The following MBTPS1 variants were observed in gnomAD, a reference collection of about 807,000 sequenced individuals.
MBTPS1 encodes the protein membrane-bound transcription factor site-1 protease.
A neutral mutation model predicts 127.8 loss-of-function variants in MBTPS1; 94 were observed. The observed-to-expected ratio is 0.74, with a 90% confidence interval of 0.62 to 0.87. The LOEUF (loss-of-function observed/expected upper bound fraction) is 0.87. Among genes scored for constraint, MBTPS1 ranks in the 40% least tolerant of loss-of-function variants. The pLI, the probability that MBTPS1 is intolerant of heterozygous loss-of-function variation, is 0.00. For synonymous variants in MBTPS1, 632 were observed against 509.4 expected (o/e 1.24, Z -3.24); for missense variants, 1,636 against 1,353.2 (o/e 1.21, Z -3.28).
chr16:84,065,646 C>A (rs577572669), intron 18 of MBTPS1, 44 bp downstream of exon 18: 1 of 1,258,916 alleles, frequency 7.9e-7, no homozygotes, highest in Non-Finnish European at 1.2e-6. Flanking sequence ...GAAAAGGGAG[C>A]GAGAGAAAGA....
intron 9 of MBTPS1, among the ~76,000 whole-genome samples, chr16:84,085,605 GA>G (rs2086011035): frequency 9.2e-6 from 1 of 108,780 alleles, no homozygotes; most frequent in African/African-American, 3.7e-5. Flanking sequence ...AAAAAACAAA[GA>G]AATTCACTAC....
chr16:84,105,949 A>G (rs1354958702), intron 1 of MBTPS1, among the ~76,000 whole-genome samples: 6 of 152,194 alleles, frequency 3.9e-5, no homozygotes, highest in Non-Finnish European at 7.3e-5. Flanking sequence ...GACCGTAACT[A>G]AGACAAGTAA....
rs1419211785 is a variant in MBTPS1, at chr16:84,084,970, G to A, written c.1286+13C>T. 1.9e-6 allele frequency: 3 copies of A among 1,613,086 alleles called. No homozygotes were observed. The highest frequency in any genetic ancestry group is 2.5e-6 in the Non-Finnish European group (3 of 1,179,658). On this transcript the variant is annotated intron_variant, in intron 10 of 22. Transcript: ENST00000343411. The stretch of plus-strand genomic sequence containing the variant: ...GACGTGGGAGCTACTGGTCTCTAGG[G>A]GGCAGCACTCACCTCACTAACAAGG...
intron 10 of MBTPS1, among the ~76,000 whole-genome samples, chr16:84,084,207 C>T (rs1305967325): frequency 6.6e-6 from 1 of 152,196 alleles, no homozygotes; most frequent in Non-Finnish European, 1.5e-5. Flanking sequence ...GACCTGCTGC[C>T]TCAGCCTCCC....
intron 14 of MBTPS1, among the ~76,000 whole-genome samples, chr16:84,069,332 G>A (rs2085735385): frequency 6.6e-6 from 1 of 152,228 alleles, no homozygotes; most frequent in Admixed American, 6.5e-5. Context: ...AGCTTCTGAA[G>A]GGCTGCATGG....
intron 18 of MBTPS1, 107 bp from the exon 19 acceptor site, chr16:84,063,552 A>G: frequency 9.0e-7 from 1 of 1,114,870 alleles, no homozygotes; most frequent in South Asian, 1.6e-5. Context: ...TACAAAATCT[A>G]ATATTCAATT....
intron 14 of MBTPS1, among the ~76,000 whole-genome samples, chr16:84,068,881 A>G (rs2085729511): frequency 6.6e-6 from 1 of 152,332 alleles, no homozygotes. Flanking sequence ...GCTAACTGAT[A>G]TCACTGCCAC....
chr16:84,085,542 GAGATC>G (rs1191315050), intron 9 of MBTPS1, among the ~76,000 whole-genome samples: 1 of 149,102 alleles, frequency 6.7e-6, no homozygotes, highest in Non-Finnish European at 1.5e-5. Flanking sequence ...GCAACACAGT[GAGATC>G]CTGTCCCCCT....
intron 22 of MBTPS1, 66 bp downstream of exon 22, chr16:84,055,939 G>T (rs1355920117): frequency 6.4e-7 from 1 of 1,559,056 alleles, no homozygotes; most frequent in African/African-American, 1.4e-5. Context: ...CCTGGGGAGG[G>T]AGGGAGACTC....
intron 19 of MBTPS1, 174 bp from the exon 20 acceptor site, chr16:84,060,987 G>C (rs2085602886): frequency 5.7e-6 from 3 of 522,764 alleles, no homozygotes; most frequent in Non-Finnish European, 6.7e-6. Flanking sequence ...GCACATGACA[G>C]CATGCCCGGC....
At chr16:84,082,610 A>T (rs1352272438) in intron 10 of MBTPS1, among the ~76,000 whole-genome samples, 4 of 152,170 alleles carry the variant, frequency 2.6e-5, no homozygotes, top group African/African-American at 9.7e-5. Flanking sequence ...AGTGAATTTT[A>T]ATTCCTAAAA....
chr16:84,065,776 G>C lies in MBTPS1; in HGVS notation c.2354-9C>G. 1.3e-6 allele frequency: 2 copies of C among 1,560,662 alleles called. No homozygotes were observed. Among genetic ancestry groups the C allele is most frequent in the South Asian group, 1.2e-5 (1 of 84,364 alleles). ...CCCTGACGCATAATACACTAGGAAA[G>C]AGTGTTCAAAGTCAAGGGAACACAG... On this transcript the variant is annotated splice_polypyrimidine_tract_variant and intron_variant, in intron 17 of 22. Transcript: ENST00000343411.
At chr16:84,110,037 G>GA (rs2086377946) in intron 1 of MBTPS1, among the ~76,000 whole-genome samples, 1 of 152,176 alleles carries the variant, frequency 6.6e-6, no homozygotes, top group African/African-American at 2.4e-5. Context: ...AAAACAGGCA[G>GA]AAAAAATAAG....
At chr16:84,091,387 G>A (rs1299335003) in intron 7 of MBTPS1, among the ~76,000 whole-genome samples, 1 of 151,120 alleles carries the variant, frequency 6.6e-6, no homozygotes, top group Non-Finnish European at 1.5e-5. Flanking sequence ...TTGGGAGGCT[G>A]AGGCAGGAGA....
intron 11 of MBTPS1, among the ~76,000 whole-genome samples, chr16:84,080,955 A>C (rs2085931557): frequency 6.6e-6 from 1 of 152,206 alleles, no homozygotes; most frequent in Admixed American, 6.5e-5. Context: ...TAACAAGATG[A>C]AGGAAAACGG....
chr16:84,093,738 A>C lies in MBTPS1; in HGVS notation c.709T>G (p.Trp237Gly). Reference sequence around the variant, plus strand: ...TCGTCCAGCGTTCGCTCGTTGGTCCAGTTGGTTCTCTCCTTCACATTTTTG... The same window carrying C: ...TCGTCCAGCGTTCGCTCGTTGGTCCCGTTGGTTCTCTCCTTCACATTTTTG... Reference protein sequence around the residue: ...HFKNVKERTNWTNERTLDDGL... With the variant: ...HFKNVKERTNGTNERTLDDGL... The change falls in exon 5 of 23, where the codon TGG becomes GGG. Residue 237 changes from tryptophan to glycine, a missense_variant. Trp to Gly is a radical substitution (Grantham distance 184). Coordinates refer to ENST00000343411, the MANE Select transcript of MBTPS1 (RefSeq NM_003791.4). 6.2e-7 allele frequency: 1 copy of C among 1,614,078 alleles called. No homozygotes were observed. The highest frequency in any genetic ancestry group is 8.5e-7 in the Non-Finnish European group (1 of 1,179,930).
In MBTPS1 at chr16:84,099,366, T is replaced by C. The variant is rs182589040; in HGVS notation, c.164-56A>G. ...ATTTACGCACATACATTATAACATA[T>C]ACTATATTGTATCTAATCTAAAATC... On this transcript the variant is annotated intron_variant, in intron 2 of 22. Coordinates refer to ENST00000343411, the MANE Select transcript of MBTPS1 (RefSeq NM_003791.4). The C allele has an allele frequency of 2.0e-5, 31 of 1,534,536 alleles. No individual in the cohort carries two copies. The Admixed American group carries it at 2.5e-4, about 12-fold the overall frequency.
chr16:84,069,894 A>T lies in MBTPS1; in HGVS notation c.1927T>A (p.Leu643Ile). Residue 643 changes from leucine to isoleucine, a missense_variant, in exon 14 of 23, where the codon TTA becomes ATA. Physicochemically the swap from Leu to Ile is conservative, Grantham distance 5. Coordinates refer to ENST00000343411, the MANE Select transcript of MBTPS1 (RefSeq NM_003791.4). Reference sequence around the variant, plus strand: ...TCTAAAGGGTCATTCTTCATCCTTAAATTATCCCTGGGGAAATAGCCAGGT... The same window carrying T: ...TCTAAAGGGTCATTCTTCATCCTTATATTATCCCTGGGGAAATAGCCAGGT... ...YPPGYFPRDNLRMKNDPLDWN... is the reference protein window; with the variant it reads ...YPPGYFPRDNIRMKNDPLDWN... 6.2e-7 allele frequency: 1 copy of T among 1,614,070 alleles called. No homozygotes were observed. The highest frequency in any genetic ancestry group is 1.3e-5 in the African/African-American group (1 of 74,998).
chr16:84,094,133 C>T (rs1373886130), intron 4 of MBTPS1, among the ~76,000 whole-genome samples: 4 of 152,088 alleles, frequency 2.6e-5, no homozygotes, highest in African/African-American at 7.2e-5. Context: ...CCACTCCTAG[C>T]GGGCTTCTCA....
Sources: gnomAD v4.1 joint callset for allele counts (sites outside exome capture counted in the v4.1 genomes callset) on GRCh38, gnomAD v4.1.1 for gene constraint, MANE v1.5 for transcripts, NCBI Gene and HGNC (gene_info 2026-07-23, HGNC 2026-07-21) for gene names.